The following MMP13 variants were observed in gnomAD, a reference collection of about 807,000 sequenced individuals.
The protein encoded by MMP13 is matrix metallopeptidase 13.
MMP13 carries 45 observed loss-of-function variants against 52.1 expected under a neutral mutation model. The observed-to-expected ratio is 0.86, with a 90% CI of 0.68 to 1.11. The LOEUF (loss-of-function observed/expected upper bound fraction) is 1.11. MMP13 is among the 50% of genes least tolerant of loss of function. The pLI is 0.00. For missense variants in MMP13, 576 were observed against 583.8 expected (o/e 0.99, Z 0.14); for synonymous variants, 200 against 204.4 (o/e 0.98, Z 0.18).
In MMP13 at chr11:102,950,166, G is replaced by A; in HGVS notation, c.861C>T (p.Ser287=). Residue 287 remains serine, a synonymous_variant, in exon 6 of 10, where the codon TCC becomes TCT. Coordinates refer to ENST00000260302, the MANE Select transcript of MMP13 (RefSeq NM_002427.4). ...HPKTPDKCDP[S]LSLDAITSLR... is the part of the protein sequence containing the mutation. ...GACTGGTAATGGCATCAAGGGATAAGGAAGGGTCACATTTGTCTGGCGTTT... is the reference window on the plus strand; with the variant it reads ...GACTGGTAATGGCATCAAGGGATAAAGAAGGGTCACATTTGTCTGGCGTTT... 6.2e-7 allele frequency: 1 copy of A among 1,613,892 alleles called. No homozygotes were observed. The highest frequency in any genetic ancestry group is 8.5e-7 in the Non-Finnish European group (1 of 1,179,812).
chr11:102,947,999 T>C lies in MMP13; in HGVS notation c.1103A>G (p.Lys368Arg), dbSNP rs1860542598. ...TGGAAGACCCAGTTCAGATATTTTT[T>C]TGGGATAACCTTCCAGAATGTCATA... ...NGYDILEGYPKKISELGLPKE... is the reference protein window; with the variant it reads ...NGYDILEGYPRKISELGLPKE... The change falls in exon 8 of 10, where the codon AAA becomes AGA. Residue 368 changes from lysine to arginine, a missense_variant. Coordinates refer to ENST00000260302, the MANE Select transcript of MMP13 (RefSeq NM_002427.4). 1.9e-6 allele frequency: 3 copies of C among 1,613,782 alleles called. No individual in the cohort carries two copies. The highest frequency in any genetic ancestry group is 2.2e-5 in the East Asian group (1 of 44,890).
rs78356340 is a variant in MMP13, at chr11:102,949,187, G to A, written c.918-29C>T. 10,336 of 1,611,408 alleles carry A rather than the reference G, an allele frequency of 6.4e-3. 271 individuals carry two copies. In the East Asian group the frequency reaches 0.082, roughly 13 times the overall value. ...ACACAAAAGTAAAATGGAGTTTTCT[G>A]TCACATTTTTAAATGCAATATTTCT... On this transcript the variant is annotated intron_variant, in intron 6 of 9. Transcript: ENST00000260302. The surrounding 1 kb of genome is among the most constrained non-coding windows in gnomAD (Gnocchi z 4.2).
In MMP13 at chr11:102,954,176, G is replaced by A. The variant is rs769733639; in HGVS notation, c.617C>T (p.Thr206Ile). Residue 206 changes from threonine to isoleucine, a missense_variant, in exon 4 of 10, where the codon ACC becomes ATC. Coordinates refer to ENST00000260302, the MANE Select transcript of MMP13 (RefSeq NM_002427.4). ...ATTACCTTTGGAACTACTTGTCCAG[G>A]TTTCATCATCATCAAAATGGGCATC... ...GGDAHFDDDETWTSSSKGYNL... is the reference protein window; with the variant it reads ...GGDAHFDDDEIWTSSSKGYNL... 1.9e-6 allele frequency: 3 copies of A among 1,613,452 alleles called. No homozygotes were observed. The highest frequency in any genetic ancestry group is 2.5e-6 in the Non-Finnish European group (3 of 1,179,648).
Position 102,952,486 on chromosome 11 carries a change from G to T in MMP13, c.638-313C>A, listed in dbSNP as rs1256261809. On this transcript the variant is annotated intron_variant, in intron 4 of 9. Transcript: ENST00000260302. This position sits in a 1 kb window ranked among gnomAD's most constrained non-coding sequence, Gnocchi z 4.3. Reference sequence around the variant, plus strand: ...GTGAATACATTAGAACTCCTGATTTGCGCTTAGTATTCTCAGGTCAGGTGA... The same window carrying T: ...GTGAATACATTAGAACTCCTGATTTTCGCTTAGTATTCTCAGGTCAGGTGA... 6.6e-6 allele frequency among the ~76,000 whole-genome samples: 1 copy of T among 152,080 alleles called. No individual in the cohort carries two copies. Among genetic ancestry groups the T allele is most frequent in the Non-Finnish European group, 1.5e-5 (1 of 68,010 alleles).
chr11:102,944,231 C>A lies in MMP13; in HGVS notation c.*35G>T. On this transcript the variant is annotated 3_prime_UTR_variant, in exon 10 of 10. Transcript: ENST00000260302. Reference sequence around the variant, plus strand: ...TTCTGGAAGTATTACCCCAAATGCTCTTCAGGATTTAAATAACAATTTTTA... The same window carrying A: ...TTCTGGAAGTATTACCCCAAATGCTATTCAGGATTTAAATAACAATTTTTA... 6.6e-7 allele frequency: 1 copy of A among 1,521,956 alleles called. No individual in the cohort carries two copies. The highest frequency in any genetic ancestry group is 1.1e-5 in the South Asian group (1 of 89,164). The allele number at this position is 1,521,956 out of a possible 1,614,324, so 94.3% of individuals were successfully genotyped here. A position where few individuals can be genotyped will look rare whatever the true frequency, so the allele number is the denominator to read the frequency against.
Position 102,950,204 on chromosome 11 carries a change from G to C in MMP13, c.823C>G (p.Pro275Ala). The part of the protein sequence containing the change: ...LYGPGDEDPN[P>A]KHPKTPDKCD... ...TTGTCTGGCGTTTTTGGATGTTTAGGGTTGGGGTCTTCATCTCCTGGACCT... is the reference window on the plus strand; with the variant it reads ...TTGTCTGGCGTTTTTGGATGTTTAGCGTTGGGGTCTTCATCTCCTGGACCT... The change falls in exon 6 of 10, where the codon CCT becomes GCT. Residue 275 changes from proline (P) to alanine (A), a missense_variant. Physicochemically the swap from Pro to Ala is conservative, Grantham distance 27. Transcript: ENST00000260302. 6 of 1,613,704 alleles carry C rather than the reference G, an allele frequency of 3.7e-6. No homozygotes were observed. Among genetic ancestry groups the C allele is most frequent in the Non-Finnish European group, 5.1e-6 (6 of 1,179,672 alleles).
Position 102,949,886 on chromosome 11 carries a change from C to A in MMP13, c.917+224G>T, listed in dbSNP as rs1860581060. On this transcript the variant is annotated intron_variant, in intron 6 of 9. Coordinates refer to ENST00000260302, the MANE Select transcript of MMP13 (RefSeq NM_002427.4). This position sits in a 1 kb window ranked among gnomAD's most constrained non-coding sequence, Gnocchi z 4.2. ...GTTATATTTATAAGAAAGACTGTAA[C>A]TAGAGATGTAAAAGGAAGCTACACA... is the stretch of plus-strand genomic sequence containing the variant. 6.6e-6 allele frequency among the ~76,000 whole-genome samples: 1 copy of A among 152,100 alleles called. No homozygotes were observed. Among genetic ancestry groups the A allele is most frequent in the Non-Finnish European group, 1.5e-5 (1 of 68,028 alleles).
chr11:102,947,827 T>C (rs1860537778), intron 8 of MMP13, 64 bp downstream of exon 8: 3 of 1,525,772 alleles, frequency 2.0e-6, no homozygotes, highest in Non-Finnish European at 2.7e-6. Flanking sequence ...TGTATAGTAG[T>C]GACAGATGTT....
Position 102,943,724 on chromosome 11 carries a change from C to T in MMP13, c.*542G>A, listed in dbSNP as rs536869199. On this transcript the variant is annotated 3_prime_UTR_variant, in exon 10 of 10. Coordinates refer to ENST00000260302, the MANE Select transcript of MMP13 (RefSeq NM_002427.4). ...AATGACTTTGATATTTCGTTAGTGTCTGTGTGAAGAAGGGCACATACATCT... is the reference window on the plus strand; with the variant it reads ...AATGACTTTGATATTTCGTTAGTGTTTGTGTGAAGAAGGGCACATACATCT... The T allele has an allele frequency of 6.4e-6, 1 of 155,804 alleles. No individual in the cohort carries two copies. The highest frequency in any genetic ancestry group is 1.4e-5 in the Non-Finnish European group (1 of 70,330). The allele number at this position is 155,804 out of a possible 1,614,324, so 9.7% of individuals were successfully genotyped here. A position where few individuals can be genotyped will look rare whatever the true frequency, so the allele number is the denominator to read the frequency against.
chr11:102,944,315 C>G lies in MMP13; in HGVS notation c.1367G>C (p.Ser456Thr). ...TGGCATGACGCGAACAATACGGTTACTCCAGATGCTGTATTCAAACTGTAT... is the reference window on the plus strand; with the variant it reads ...TGGCATGACGCGAACAATACGGTTAGTCCAGATGCTGTATTCAAACTGTAT... ...GPIQFEYSIW[S>T]NRIVRVMPAN... is the part of the protein sequence containing the mutation. Residue 456 changes from serine (S) to threonine (T), a missense_variant, in exon 10 of 10, where the codon AGT becomes ACT. Coordinates refer to ENST00000260302, the MANE Select transcript of MMP13 (RefSeq NM_002427.4). 6.2e-7 allele frequency: 1 copy of G among 1,613,302 alleles called. No individual in the cohort carries two copies. Among genetic ancestry groups the G allele is most frequent in the Non-Finnish European group, 8.5e-7 (1 of 1,179,456 alleles).
Position 102,955,360 on chromosome 11 carries a change from T to C in MMP13, c.254A>G (p.Asp85Gly). Reference protein sequence around the residue: ...FGLEVTGKLDDNTLDVMKKPR... With the variant: ...FGLEVTGKLDGNTLDVMKKPR... ...CTTTTTCATGACATCTAAGGTGTTA[T>C]CGTCAAGTTTGCCAGTCACCTCTAA... The change falls in exon 2 of 10, where the codon GAT (aspartate) becomes GGT (glycine). Residue 85 changes from aspartate to glycine, a missense_variant. Physicochemically the swap from Asp to Gly is moderately conservative, Grantham distance 94. Coordinates refer to ENST00000260302, the MANE Select transcript of MMP13 (RefSeq NM_002427.4). The surrounding 1 kb of genome is among the most constrained non-coding windows in gnomAD (Gnocchi z 4.9). 3 of 1,614,036 alleles carry C rather than the reference T, an allele frequency of 1.9e-6. No individual in the cohort carries two copies. Among genetic ancestry groups the C allele is most frequent in the Non-Finnish European group, 2.5e-6 (3 of 1,179,946 alleles).
In MMP13 at chr11:102,944,155, G is replaced by T. The variant is rs782105489; in HGVS notation, c.*111C>A. The T allele has an allele frequency of 3.7e-6, 3 of 801,536 alleles. No individual in the cohort carries two copies. The highest frequency in any genetic ancestry group is 6.6e-6 in the Non-Finnish European group (3 of 455,002). The allele number at this position is 801,536 out of a possible 1,614,324, so 49.7% of individuals were successfully genotyped here. ...ATTCAAAGATAACTTACTGAAGCTT[G>T]TTCACAGAACCAAGCTTTCTCCTGA... is the stretch of plus-strand genomic sequence containing the variant. On this transcript the variant is annotated 3_prime_UTR_variant, in exon 10 of 10. Coordinates refer to ENST00000260302, the MANE Select transcript of MMP13 (RefSeq NM_002427.4).
At position 102,955,109 on chromosome 11, in the gene MMP13, T is replaced by C; in HGVS notation, c.362+143A>G. The C allele has an allele frequency of 1.2e-6, 1 of 840,574 alleles. No homozygotes were observed. The highest frequency in any genetic ancestry group is 2.7e-5 in the East Asian group (1 of 37,710). The allele number at this position is 840,574 out of a possible 1,614,324, so 52.1% of individuals were successfully genotyped here. Reference sequence around the variant, plus strand: ...GCTGAGTTAATGTAACAATAATAGATGTTATGAGGTATTCTCGGCAACCAT... The same window carrying C: ...GCTGAGTTAATGTAACAATAATAGACGTTATGAGGTATTCTCGGCAACCAT... On this transcript the variant is annotated intron_variant, in intron 2 of 9. Transcript: ENST00000260302. This position sits in a 1 kb window ranked among gnomAD's most constrained non-coding sequence, Gnocchi z 4.9.
chr11:102,943,360 G>A lies in MMP13; in HGVS notation c.*906C>T, dbSNP rs1201745246. Reference sequence around the variant, plus strand: ...ATGCTATACAAGTCTTTAGAAAATAGCCTATATATCCAAGACAAACTGGAC... The same window carrying A: ...ATGCTATACAAGTCTTTAGAAAATAACCTATATATCCAAGACAAACTGGAC... On this transcript the variant is annotated 3_prime_UTR_variant, in exon 10 of 10. Coordinates refer to ENST00000260302, the MANE Select transcript of MMP13 (RefSeq NM_002427.4). 1 of 152,052 alleles carries A rather than the reference G, an allele frequency of 6.6e-6. No individual in the cohort carries two copies. The highest frequency in any genetic ancestry group is 1.5e-5 in the Non-Finnish European group (1 of 68,012). 9.4% of individuals were successfully genotyped at this position (152,052 alleles called of 1,614,324 possible).
intron 7 of MMP13, 121 bp from the exon 8 acceptor site, chr11:102,948,171 A>G (rs1860546798): frequency 1.3e-6 from 1 of 761,608 alleles, no homozygotes; most frequent in East Asian, 2.7e-5. Context: ...AATATTTAGT[A>G]TTTACAGTCA....
chr11:102,950,740 C>G (rs1265503127), intron 5 of MMP13, among the ~76,000 whole-genome samples: 1 of 152,118 alleles, frequency 6.6e-6, no homozygotes, highest in Admixed American at 6.6e-5. Context: ...ATGTGACTTG[C>G]GACATGTTGG....
intron 5 of MMP13, among the ~76,000 whole-genome samples, chr11:102,951,779 T>C (rs1005528829): frequency 3.3e-5 from 5 of 152,140 alleles, no homozygotes; most frequent in Admixed American, 3.3e-4. Flanking sequence ...GTCCAGCATA[T>C]TACTGTTCTG....
intron 8 of MMP13, 142 bp downstream of exon 8, chr11:102,947,749 C>T: frequency 2.7e-6 from 2 of 743,198 alleles, no homozygotes; most frequent in Non-Finnish European, 4.3e-6. Context: ...TGAGGGTCTG[C>T]CTGAAAGAGC....
intron 5 of MMP13, among the ~76,000 whole-genome samples, chr11:102,951,038 G>T (rs1453111226): frequency 6.6e-6 from 1 of 152,192 alleles, no homozygotes; most frequent in African/African-American, 2.4e-5. Context: ...TGCTCTAGAA[G>T]TGTTTACACT....
Sources: allele counts gnomAD v4.1 joint callset (sites outside exome capture counted in the v4.1 genomes callset), GRCh38; gene constraint gnomAD v4.1.1; non-coding constraint Gnocchi (gnomAD v3.1); transcripts MANE v1.5; gene names NCBI Gene and HGNC (gene_info 2026-07-23, HGNC 2026-07-21).